MAGI2: variants seen among roughly 807,000 people sequenced by gnomAD.
MAGI2 encodes the protein membrane associated guanylate kinase, WW and PDZ domain containing 2, also known as membrane-associated guanylate kinase, WW and PDZ domain-containing protein 2.
Under a neutral mutation model 133.3 loss-of-function variants are expected in MAGI2, and 35 were observed. That is an observed-to-expected ratio of 0.26 (90% CI 0.20 to 0.35). MAGI2 has a LOEUF of 0.35. Ranked by LOEUF, MAGI2 falls within the 10% of genes least tolerant of loss-of-function variation. The probability of loss-of-function intolerance (pLI) is 1.00; values close to 1 mark genes in which losing one functional copy is unlikely to be tolerated. For synonymous variants in MAGI2, 729 were observed against 710.6 expected (o/e 1.03, Z -0.41); for missense variants, 1,636 against 1,863.4 (o/e 0.88, Z 2.25).
chr7:78,316,823 A>G (rs1006706022), intron 9 of MAGI2, among the ~76,000 whole-genome samples: 1 of 152,216 alleles, frequency 6.6e-6, no homozygotes, highest in East Asian at 1.9e-4. Context: ...AGGACAGCAG[A>G]TGAGCAATCA....
At chr7:78,462,927 G>A (rs17150832) in intron 6 of MAGI2, among the ~76,000 whole-genome samples, 21,503 of 152,220 alleles carry the variant, frequency 0.14, 1,590 homozygotes, top group Middle Eastern at 0.24. Flanking sequence ...GCACACGCAA[G>A]TGAACCTTGG....
At chr7:78,164,948 A>C (rs976009377) in intron 15 of MAGI2, among the ~76,000 whole-genome samples, 20 of 152,200 alleles carry the variant, frequency 1.3e-4, no homozygotes, top group African/African-American at 4.1e-4. Context: ...GGGAAAAAAA[A>C]CAACCAAATA....
intron 3 of MAGI2, among the ~76,000 whole-genome samples, chr7:78,601,806 AATAAT>A (rs1805238762): frequency 6.6e-6 from 1 of 152,236 alleles, no homozygotes; most frequent in African/African-American, 2.4e-5. Flanking sequence ...AGAAACAAAA[AATAAT>A]AATTATTCAT....
intron 2 of MAGI2, among the ~76,000 whole-genome samples, chr7:78,963,834 A>T (rs1469830783): frequency 6.6e-6 from 1 of 151,986 alleles, no homozygotes; most frequent in African/African-American, 2.4e-5. Context: ...GGTTCCTAAT[A>T]TTTAAATTAT....
At chr7:78,736,926 T>A (rs1287995057) in intron 2 of MAGI2, among the ~76,000 whole-genome samples, 1 of 152,210 alleles carries the variant, frequency 6.6e-6, no homozygotes, top group African/African-American at 2.4e-5. Context: ...TACCTAAATA[T>A]GATGTTTGTG....
chr7:78,339,288 C>A (rs1790105895), intron 9 of MAGI2, among the ~76,000 whole-genome samples: 1 of 152,184 alleles, frequency 6.6e-6, no homozygotes, highest in Admixed American at 6.5e-5. Context: ...ATCTTTGGTT[C>A]TTTTATCTTG....
In MAGI2 at chr7:78,403,723, T is replaced by C. The variant is rs550036280; in HGVS notation, c.1046-34510A>G. On this transcript the variant is annotated intron_variant, in intron 6 of 21. Transcript: ENST00000354212. ...GGTGTGAGATGGTATCTCATTGTGG[T>C]TTTGATTTGCATTTCTCTGATGGCC... Among the ~76,000 whole-genome samples, 3 of 152,296 alleles carry C rather than the reference T, an allele frequency of 2.0e-5. No homozygotes were observed. In the South Asian group the frequency reaches 6.2e-4, roughly 32 times the overall value.
chr7:78,423,310 T>G (rs1440669772), intron 6 of MAGI2, among the ~76,000 whole-genome samples: 1 of 152,210 alleles, frequency 6.6e-6, no homozygotes, highest in African/African-American at 2.4e-5. Flanking sequence ...CCGTAAGATG[T>G]GACTTGCTCC....
intron 2 of MAGI2, among the ~76,000 whole-genome samples, chr7:78,825,451 A>G (rs1790538989): frequency 6.6e-6 from 1 of 152,182 alleles, no homozygotes; most frequent in African/African-American, 2.4e-5. Flanking sequence ...TTTAATTACA[A>G]TAGTGATTTT....
At chr7:79,048,035 A>C (rs999758352) in intron 1 of MAGI2, among the ~76,000 whole-genome samples, 8 of 152,206 alleles carry the variant, frequency 5.3e-5, no homozygotes, top group Non-Finnish European at 1.0e-4. Flanking sequence ...AAACACTGTC[A>C]AAGCATGGGG....
At chr7:79,433,388 T>TA (rs946909684) in intron 1 of MAGI2, among the ~76,000 whole-genome samples, 34 of 151,884 alleles carry the variant, frequency 2.2e-4, no homozygotes, top group African/African-American at 7.5e-4. Context: ...CTGTCTCTAC[T>TA]AAAAAATACA....
chr7:78,606,824 C>T (rs561247225), intron 3 of MAGI2, among the ~76,000 whole-genome samples: 1 of 95,012 alleles, frequency 1.1e-5, no homozygotes, highest in East Asian at 2.2e-4. Context: ...TTACCATGCC[C>T]TCCCACAATT....
At chr7:79,048,861 G>C (rs952601647) in intron 1 of MAGI2, among the ~76,000 whole-genome samples, 1 of 152,140 alleles carries the variant, frequency 6.6e-6, no homozygotes, top group East Asian at 1.9e-4. Flanking sequence ...GGTGGTGCAT[G>C]CCTGTAATCC....
intron 12 of MAGI2, among the ~76,000 whole-genome samples, chr7:78,190,397 A>C (rs2150723937): frequency 6.6e-6 from 1 of 152,360 alleles, no homozygotes; most frequent in South Asian, 2.1e-4. Flanking sequence ...GTACATTTAG[A>C]GATATGCTTT....
chr7:78,464,925 C>T (rs1475211835), intron 6 of MAGI2, among the ~76,000 whole-genome samples: 1 of 151,900 alleles, frequency 6.6e-6, no homozygotes, highest in East Asian at 1.9e-4. Context: ...TGCTATCAAC[C>T]CTCAGGAATG....
intron 6 of MAGI2, among the ~76,000 whole-genome samples, chr7:78,430,402 A>G (rs1799685028): frequency 1.3e-5 from 2 of 152,026 alleles, no homozygotes; most frequent in Non-Finnish European, 2.9e-5. Context: ...ATACAATCAT[A>G]AATTACCTTA....
At chr7:78,726,332 T>C (rs1050239213) in intron 2 of MAGI2, among the ~76,000 whole-genome samples, 4 of 152,212 alleles carry the variant, frequency 2.6e-5, no homozygotes, top group Non-Finnish European at 5.9e-5. Flanking sequence ...TTCAAGACTT[T>C]TGAGTATTTA....
intron 2 of MAGI2, among the ~76,000 whole-genome samples, chr7:78,926,560 G>T (rs1225670750): frequency 6.6e-6 from 1 of 151,806 alleles, no homozygotes; most frequent in Non-Finnish European, 1.5e-5. Flanking sequence ...GATTCCAAAT[G>T]CCCTTCCCAA....
At chr7:79,002,970 A>T (rs1038873139) in intron 2 of MAGI2, among the ~76,000 whole-genome samples, 14 of 151,094 alleles carry the variant, frequency 9.3e-5, no homozygotes, top group African/African-American at 3.2e-4. Flanking sequence ...GACAAAATAC[A>T]AGGCTAAATA....
Sources: gnomAD v4.1 joint callset for allele counts (sites outside exome capture counted in the v4.1 genomes callset) on GRCh38, gnomAD v4.1.1 for gene constraint, MANE v1.5 for transcripts, NCBI Gene and HGNC (gene_info 2026-07-23, HGNC 2026-07-21) for gene names.